TRIP12: variants seen among roughly 807,000 people sequenced by gnomAD.
TRIP12 encodes E3 ubiquitin-protein ligase TRIP12.
In TRIP12, 25 loss-of-function variants were observed where a neutral mutation model predicts 244.2. The observed-to-expected ratio is 0.10, with a 90% confidence interval of 0.07 to 0.14. The LOEUF (loss-of-function observed/expected upper bound fraction) is 0.14. Ranked by LOEUF, TRIP12 falls within the 10% of genes least tolerant of loss-of-function variation. TRIP12 has a pLI of 1.00. For missense variants in TRIP12, 1,677 were observed against 2,486.4 expected (o/e 0.67, Z 6.92); for synonymous variants, 905 against 873.1 (o/e 1.04, Z -0.64).
At chr2:229,912,046 AAAAAT>A (rs2074388508) in intron 1 of TRIP12, among the ~76,000 whole-genome samples, 1 of 152,260 alleles carries the variant, frequency 6.6e-6, no homozygotes, top group Non-Finnish European at 1.5e-5. Context: ...TTGAATTACA[AAAAAT>A]CTGAACAAAC....
Position 229,796,796 on chromosome 2 carries a change from G to C in TRIP12, c.3625-14C>G, listed in dbSNP as rs1402489412. 6.5e-7 allele frequency: 1 copy of C among 1,538,968 alleles called. No homozygotes were observed. The highest frequency in any genetic ancestry group is 8.7e-7 in the Non-Finnish European group (1 of 1,148,900). Reference sequence around the variant, plus strand: ...TCCACCATCCACCTGAAAGAGTTAGGAAAAGTATTTCTATATTGATTTAAG... The same window carrying C: ...TCCACCATCCACCTGAAAGAGTTAGCAAAAGTATTTCTATATTGATTTAAG... On this transcript the variant is annotated splice_polypyrimidine_tract_variant and intron_variant, in intron 24 of 41. Transcript: ENST00000675903.
Position 229,859,311 on chromosome 2 carries a change from T to A in TRIP12, c.488A>T (p.Gln163Leu), listed in dbSNP as rs1295583557. The A allele has an allele frequency of 2.5e-6, 4 of 1,614,190 alleles. No homozygotes were observed. The South Asian group carries it at 3.3e-5, about 13-fold the overall frequency. The change falls in exon 4 of 42, where the codon CAA (glutamine) becomes CTA (leucine). Residue 163 changes from glutamine to leucine, a missense_variant. By Grantham distance (113) the Gln-to-Leu change is moderately radical. Coordinates refer to ENST00000675903, the MANE Select transcript of TRIP12 (RefSeq NM_001348323.3). Reference protein sequence around the residue: ...SKKRHLDQEQQLKSAQSPSTS... With the variant: ...SKKRHLDQEQLLKSAQSPSTS... ...TGATGGTGATTGTGCAGATTTCAGT[T>A]GTTGCTCCTGGTCTAAATGTCTCTT... is the stretch of plus-strand genomic sequence containing the variant.
At chr2:229,875,564 A>G (rs2063434604) in intron 2 of TRIP12, among the ~76,000 whole-genome samples, 1 of 152,240 alleles carries the variant, frequency 6.6e-6, no homozygotes, top group Admixed American at 6.5e-5. Flanking sequence ...TTTACAGTCA[A>G]GAGGTCTGGA....
chr2:229,774,311 G>A (rs562450459), intron 37 of TRIP12, 50 bp from the exon 38 acceptor site: 71 of 1,537,788 alleles, frequency 4.6e-5, no homozygotes, highest in Middle Eastern at 1.7e-4. Flanking sequence ...ATTAACTTAC[G>A]GTTGTTTAAA....
At chr2:229,900,354 AT>A (rs1389796189) in intron 1 of TRIP12, among the ~76,000 whole-genome samples, 2 of 152,206 alleles carry the variant, frequency 1.3e-5, no homozygotes. Flanking sequence ...CAACAAACGT[AT>A]TTTCTAGTTA....
chr2:229,788,743 C>G, intron 32 of TRIP12, 55 bp downstream of exon 32: 1 of 1,582,934 alleles, frequency 6.3e-7, no homozygotes, highest in Non-Finnish European at 8.6e-7. Context: ...CAAAATACAT[C>G]AAGACCAACC....
intron 9 of TRIP12, among the ~76,000 whole-genome samples, chr2:229,816,993 A>G (rs1194718333): frequency 5.3e-5 from 8 of 152,228 alleles, no homozygotes; most frequent in Admixed American, 2.6e-4. Context: ...ATAAAATTTG[A>G]TAACTGGCTT....
At chr2:229,797,090 G>C (rs184273033) in intron 24 of TRIP12, among the ~76,000 whole-genome samples, 1 of 151,922 alleles carries the variant, frequency 6.6e-6, no homozygotes, top group East Asian at 1.9e-4. Context: ...GAAGAATAAG[G>C]GGCTATAACA....
intron 32 of TRIP12, among the ~76,000 whole-genome samples, chr2:229,788,263 A>G (rs922185242): frequency 2.0e-5 from 3 of 152,242 alleles, no homozygotes; most frequent in Admixed American, 1.3e-4. Context: ...TGAAGGAAGT[A>G]TAACATAACT....
chr2:229,891,296 A>AC (rs1267553605), intron 1 of TRIP12, among the ~76,000 whole-genome samples: 2 of 151,994 alleles, frequency 1.3e-5, no homozygotes, highest in Middle Eastern at 3.4e-3. Flanking sequence ...GTGGTGGTGC[A>AC]CATCTGTGGC....
chr2:229,911,662 G>A lies in TRIP12; in HGVS notation c.-50+10218C>T, dbSNP rs139123014. On this transcript the variant is annotated intron_variant, in intron 1 of 41. Coordinates refer to ENST00000675903, the MANE Select transcript of TRIP12 (RefSeq NM_001348323.3). ...TACCCTGGTCTGACTACTATACATT[G>A]TATGTATTGACACATTACTAAGTGC... 2.0e-4 allele frequency among the ~76,000 whole-genome samples: 30 copies of A among 152,226 alleles called. No homozygotes were observed. In the East Asian group the frequency reaches 4.6e-3, roughly 24 times the overall value.
At chr2:229,792,319 A>G (rs2041744644) in intron 27 of TRIP12, 93 bp from the exon 28 acceptor site, 1 of 1,204,526 alleles carries the variant, frequency 8.3e-7, no homozygotes, top group African/African-American at 1.5e-5. Context: ...TATTCTTAGA[A>G]AACACATATA....
At chr2:229,801,003 A>G (rs1238935629) in intron 21 of TRIP12, among the ~76,000 whole-genome samples, 6 of 152,256 alleles carry the variant, frequency 3.9e-5, no homozygotes, top group African/African-American at 1.4e-4. Context: ...TCTGTAATTT[A>G]CTGAGTATCT....
chr2:229,799,877 T>A (rs1258109961), intron 21 of TRIP12, among the ~76,000 whole-genome samples: 2 of 152,156 alleles, frequency 1.3e-5, no homozygotes, highest in Non-Finnish European at 2.9e-5. Context: ...ACACAGCAAA[T>A]GATTATTCAG....
At chr2:229,772,686 A>G (rs887838475) in intron 38 of TRIP12, among the ~76,000 whole-genome samples, 1 of 150,690 alleles carries the variant, frequency 6.6e-6, no homozygotes, top group African/African-American at 2.4e-5. Flanking sequence ...CTGGTCTTGA[A>G]CTCCTGACCT....
chr2:229,803,554 A>G lies in TRIP12; in HGVS notation c.2998+17T>C. On this transcript the variant is annotated intron_variant, in intron 20 of 41. Transcript: ENST00000675903. ...GTACTATCTAGACTAAATGACTATT[A>G]ATTTATATGACATTACCTTCTCTTC... The G allele has an allele frequency of 6.7e-7, 1 of 1,498,150 alleles. No individual in the cohort carries two copies. The allele number at this position is 1,498,150 out of a possible 1,614,324, so 92.8% of individuals were successfully genotyped here.
chr2:229,874,909 C>A (rs1231585939), intron 2 of TRIP12, among the ~76,000 whole-genome samples: 1 of 152,112 alleles, frequency 6.6e-6, no homozygotes, highest in Non-Finnish European at 1.5e-5. Context: ...CCTACCACTG[C>A]CACTTGAGAA....
chr2:229,899,426 A>C (rs1338453656), intron 1 of TRIP12, among the ~76,000 whole-genome samples: 1 of 152,234 alleles, frequency 6.6e-6, no homozygotes, highest in Non-Finnish European at 1.5e-5. Context: ...CCAAGATTCT[A>C]CCCTGTGCTA....
At chr2:229,898,538 A>G (rs935277068) in intron 1 of TRIP12, among the ~76,000 whole-genome samples, 3 of 152,228 alleles carry the variant, frequency 2.0e-5, no homozygotes, top group East Asian at 1.9e-4. Flanking sequence ...TCTCAGGCCA[A>G]TTTACTTATA....
Sources: gnomAD v4.1 joint callset for allele counts (sites outside exome capture counted in the v4.1 genomes callset) on GRCh38, gnomAD v4.1.1 for gene constraint, MANE v1.5 for transcripts, NCBI Gene and HGNC (gene_info 2026-07-23, HGNC 2026-07-21) for gene names.